The following ZNF544 variants were observed in gnomAD, a reference collection of about 807,000 sequenced individuals.
ZNF544 encodes the protein zinc finger protein 544, also known as zinc finger protein AF020591.
Under a neutral mutation model 13.5 loss-of-function variants are expected in ZNF544, and 10 were observed. The observed-to-expected ratio is 0.74, with a 90% CI of 0.46 to 1.25. The LOEUF (loss-of-function observed/expected upper bound fraction) is 1.25. Ranked by LOEUF, ZNF544 falls within the 50% of genes most tolerant of loss-of-function variation. ZNF544 has a pLI of 0.00. For synonymous variants in ZNF544, 323 were observed against 300.5 expected, an observed-to-expected ratio of 1.07 and a Z score of -0.77; for missense variants, 896 against 845.6, an observed-to-expected ratio of 1.06 and a Z score of -0.74.
intron 5 of ZNF544, among the ~76,000 whole-genome samples, chr19:58,272,813 C>T (rs1392420793): frequency 2.0e-5 from 3 of 150,206 alleles, no homozygotes; most frequent in Non-Finnish European, 4.4e-5. Context: ...GCGGAGGTTG[C>T]AGTGAGCTGA....
chr19:58,236,445 C>G (rs1368587959), intron 3 of ZNF544, among the ~76,000 whole-genome samples: 1 of 146,684 alleles, frequency 6.8e-6, no homozygotes, highest in Non-Finnish European at 1.5e-5. Flanking sequence ...TGCAGTGAGC[C>G]GAGATCGCTT....
In ZNF544 at chr19:58,263,004, A is replaced by C; in HGVS notation, c.*250A>C. ...ACTGGAGGCAAACCCTATGAATGTG[A>C]CCATTGCGAGAAAGCCTTTAGCCAA... On this transcript the variant is annotated 3_prime_UTR_variant, in exon 7 of 7. Coordinates refer to ENST00000687789, the MANE Select transcript of ZNF544 (RefSeq NM_014480.4). The C allele has an allele frequency of 3.2e-6, 4 of 1,258,566 alleles. No individual in the cohort carries two copies. The highest frequency in any genetic ancestry group is 4.0e-6 in the Non-Finnish European group (4 of 997,938). The allele number at this position is 1,258,566 out of a possible 1,614,324, so 78.0% of individuals were successfully genotyped here.
chr19:58,243,784 C>T (rs748350247), intron 3 of ZNF544, among the ~76,000 whole-genome samples, 181 bp from the exon 4 acceptor site: 26 of 152,132 alleles, frequency 1.7e-4, no homozygotes, highest in Non-Finnish European at 2.9e-4. Flanking sequence ...ACAGCTGAGA[C>T]GCCCAGCACA....
At position 58,263,189 on chromosome 19, in the gene ZNF544, A is replaced by G. The variant is rs1348553802; in HGVS notation, c.*435A>G. 4.0e-6 allele frequency: 4 copies of G among 995,744 alleles called. No homozygotes were observed. In the Admixed American group the frequency reaches 2.2e-4, roughly 54 times the overall value. The allele number at this position is 995,744 out of a possible 1,614,324, so 61.7% of individuals were successfully genotyped here. On this transcript the variant is annotated 3_prime_UTR_variant, in exon 7 of 7. Transcript: ENST00000687789. The stretch of plus-strand genomic sequence containing the variant: ...GAATAACCAAGATGGAGCCGGGTGC[A>G]GTTGCCAACACTTGTAATCCCAGCA...
In ZNF544 at chr19:58,263,240, C is replaced by T. The variant is rs764997903; in HGVS notation, c.*486C>T. 65 of 971,846 alleles carry T rather than the reference C, an allele frequency of 6.7e-5. No individual in the cohort carries two copies. The Middle Eastern group carries it at 3.7e-3, about 55-fold the overall frequency. The allele number at this position is 971,846 out of a possible 1,614,324, so 60.2% of individuals were successfully genotyped here. Reference sequence around the variant, plus strand: ...GTTTGCGAGGCCGAGGCAGGTGGATCACTTGAGCCCAGGAGTTTGAAACCA... The same window carrying T: ...GTTTGCGAGGCCGAGGCAGGTGGATTACTTGAGCCCAGGAGTTTGAAACCA... On this transcript the variant is annotated 3_prime_UTR_variant, in exon 7 of 7. Coordinates refer to ENST00000687789, the MANE Select transcript of ZNF544 (RefSeq NM_014480.4).
Position 58,263,338 on chromosome 19 carries a change from G to T in ZNF544, c.*584G>T. 1.2e-6 allele frequency: 1 copy of T among 862,664 alleles called. No homozygotes were observed. The highest frequency in any genetic ancestry group is 1.4e-6 in the Non-Finnish European group (1 of 717,730). The allele number at this position is 862,664 out of a possible 1,614,324, so 53.4% of individuals were successfully genotyped here. ...TAGCCTAGCATGGTGGCGCATACCT[G>T]TAGTCCTAGCTACTCAGGAGGCTGA... On this transcript the variant is annotated 3_prime_UTR_variant, in exon 7 of 7. Coordinates refer to ENST00000687789, the MANE Select transcript of ZNF544 (RefSeq NM_014480.4).
chr19:58,259,211 T>C (rs1446436330), intron 6 of ZNF544: 1 of 152,240 alleles, frequency 6.6e-6, no homozygotes, highest in Admixed American at 6.5e-5. Context: ...GACCATGCAG[T>C]CTTTTCTGGA....
exon 6 of ZNF544, chr19:58,276,381 C>T (rs1600444945): frequency 5.7e-6 from 7 of 1,231,692 alleles, no homozygotes; most frequent in Non-Finnish European, 7.1e-6. Context: ...GATTTAGTCT[C>T]CTGGAAGGCT....
chr19:58,242,255 A>G, intron 3 of ZNF544: 1 of 985,376 alleles, frequency 1.0e-6, no homozygotes, highest in Non-Finnish European at 1.2e-6. Context: ...GCACCGCAAC[A>G]TCTGCAGGAG....
intron 6 of ZNF544, chr19:58,258,010 C>T (rs2047925326): frequency 6.6e-6 from 1 of 152,252 alleles, no homozygotes; most frequent in Non-Finnish European, 1.5e-5. Context: ...ATCTACCCTC[C>T]TCCCTGGGCC....
chr19:58,256,865 G>C (rs538134345), intron 6 of ZNF544, among the ~76,000 whole-genome samples: 3 of 152,310 alleles, frequency 2.0e-5, no homozygotes, highest in Non-Finnish European at 4.4e-5. Flanking sequence ...ATTTACATGA[G>C]AAGCAAGGCT....
intron 3 of ZNF544, among the ~76,000 whole-genome samples, chr19:58,241,052 A>C: frequency 7.6e-6 from 1 of 131,236 alleles, no homozygotes. Context: ...ACTCACTGCA[A>C]TCTCAACCTC....
At position 58,230,394 on chromosome 19, in the gene ZNF544, A is replaced by T. The variant is rs921248835; in HGVS notation, c.-128A>T. 6 of 152,252 alleles carry T rather than the reference A, an allele frequency of 3.9e-5. No individual in the cohort carries two copies. Among genetic ancestry groups the T allele is most frequent in the African/African-American group, 1.4e-4 (6 of 41,436 alleles). The allele number at this position is 152,252 out of a possible 1,614,324, so 9.4% of individuals were successfully genotyped here. On this transcript the variant is annotated splice_region_variant and 5_prime_UTR_variant, in exon 3 of 7. The change abolishes an upstream ATG in the 5' untranslated region. Transcript: ENST00000687789. ...AAGGCAGGTCTTGCTGTTTTTCCAG[A>T]TGTCTACGGATGAGGAAACTGAGGC...
chr19:58,241,188 T>A (rs1600250304), intron 3 of ZNF544, among the ~76,000 whole-genome samples: 9 of 112,012 alleles, frequency 8.0e-5, no homozygotes, highest in East Asian at 3.3e-4. Flanking sequence ...TATTTTTTTT[T>A]TTTTGTAGAG....
chr19:58,275,891 T>C (rs560606647), intron 5 of ZNF544, among the ~76,000 whole-genome samples: 1 of 151,078 alleles, frequency 6.6e-6, no homozygotes, highest in African/African-American at 2.4e-5. Flanking sequence ...GGCTCCAAAA[T>C]GAATACACAG....
At chr19:58,260,102 CTAAG>C (rs1005285287) in intron 6 of ZNF544, among the ~76,000 whole-genome samples, 1 of 152,082 alleles carries the variant, frequency 6.6e-6, no homozygotes. Context: ...CTGTAGAAAA[CTAAG>C]TAAATAATAA....
chr19:58,251,225 A>T (rs1215773940), intron 6 of ZNF544: 1 of 486,574 alleles, frequency 2.1e-6, no homozygotes, highest in African/African-American at 2.0e-5. Flanking sequence ...GGCTACTATT[A>T]TCCAGTTTAA....
In ZNF544 at chr19:58,262,155, G is replaced by C. The variant is rs752601491; in HGVS notation, c.1549G>C (p.Glu517Gln). Residue 517 changes from glutamate (E) to glutamine (Q), a missense_variant, in exon 7 of 7, where the codon GAG becomes CAG. Transcript: ENST00000687789. ...TGTACATCAGAGGACACACACTGGA[G>C]AGAAGCCCTATGAGTGCAACCTGTG... Reference protein sequence around the residue: ...LVVHQRTHTGEKPYECNLCGK... With the variant: ...LVVHQRTHTGQKPYECNLCGK... The C allele has an allele frequency of 1.2e-6, 2 of 1,613,700 alleles. No individual in the cohort carries two copies. Among genetic ancestry groups the C allele is most frequent in the Admixed American group, 1.7e-5 (1 of 59,956 alleles).
intron 5 of ZNF544, among the ~76,000 whole-genome samples, chr19:58,270,308 T>C (rs1465332132): frequency 2.0e-5 from 3 of 151,072 alleles, no homozygotes; most frequent in African/African-American, 7.3e-5. Context: ...TATTGGCTTT[T>C]TTTTTCTTTT....
Sources: allele counts gnomAD v4.1 joint callset (sites outside exome capture counted in the v4.1 genomes callset), GRCh38; gene constraint gnomAD v4.1.1; transcripts MANE v1.5; gene names NCBI Gene and HGNC (gene_info 2026-07-23, HGNC 2026-07-21).